NPR3: variants seen among roughly 807,000 people sequenced by gnomAD.
NPR3 encodes atrial natriuretic peptide receptor 3.
A neutral mutation model predicts 54.5 loss-of-function variants in NPR3; 34 were observed. The ratio of observed to expected loss-of-function variants is 0.62; its 90% confidence interval spans 0.47 to 0.83. The LOEUF is 0.83. Ranked by LOEUF, NPR3 falls within the 40% of genes least tolerant of loss-of-function variation. The pLI, the probability that NPR3 is intolerant of heterozygous loss-of-function variation, is 0.00. For synonymous variants in NPR3, 289 were observed against 297.1 expected (o/e 0.97, Z 0.28); for missense variants, 674 against 720.8 (o/e 0.94, Z 0.74).
At chr5:32,758,190 C>T (rs1740952731) in intron 3 of NPR3, among the ~76,000 whole-genome samples, 2 of 152,020 alleles carry the variant, frequency 1.3e-5, no homozygotes, top group African/African-American at 4.8e-5. Context: ...CCAGTTCCTC[C>T]TTGTACCTCT....
chr5:32,764,212 T>C (rs1741324790), intron 3 of NPR3, among the ~76,000 whole-genome samples: 1 of 152,180 alleles, frequency 6.6e-6, no homozygotes, highest in Non-Finnish European at 1.5e-5. Flanking sequence ...CAGAAGTTTA[T>C]GAAAGACTTG....
chr5:32,691,183 T>A (rs1329276125), intron 1 of NPR3, among the ~76,000 whole-genome samples: 1 of 152,226 alleles, frequency 6.6e-6, no homozygotes, highest in Admixed American at 6.5e-5. Flanking sequence ...ATCCTGGATA[T>A]TGTTCAGAGA....
intron 2 of NPR3, among the ~76,000 whole-genome samples, chr5:32,735,367 T>C (rs1739674700): frequency 6.6e-6 from 1 of 152,106 alleles, no homozygotes. Flanking sequence ...TTGTACAGTC[T>C]TGAGATTCCT....
At chr5:32,726,059 C>T (rs559035869) in intron 2 of NPR3, among the ~76,000 whole-genome samples, 2 of 152,294 alleles carry the variant, frequency 1.3e-5, no homozygotes, top group African/African-American at 4.8e-5. Flanking sequence ...CAGACAGCAT[C>T]GGGCTACAGA....
intron 3 of NPR3, among the ~76,000 whole-genome samples, chr5:32,752,207 C>CCAAAAACAAAAACAAAAA (rs58111360): frequency 6.7e-6 from 1 of 149,842 alleles, no homozygotes; most frequent in African/African-American, 2.5e-5. Context: ...TCCTCCACCT[C>CCAAAAACAAAAACAAAAA]CAAAAACAAA....
intron 3 of NPR3, among the ~76,000 whole-genome samples, chr5:32,745,089 A>G (rs573442078): frequency 6.6e-6 from 1 of 152,306 alleles, no homozygotes; most frequent in South Asian, 2.1e-4. Context: ...TGTAACTAGT[A>G]TATTGCAGGC....
chr5:32,780,791 C>A lies in NPR3; in HGVS notation c.1265C>A (p.Thr422Asn). 2 of 1,592,042 alleles carry A rather than the reference C, an allele frequency of 1.3e-6. No homozygotes were observed. The highest frequency in any genetic ancestry group is 1.7e-6 in the Non-Finnish European group (2 of 1,160,000). ...RYGDFSVIAMTDVEAGTQEVI... is the reference protein window; with the variant it reads ...RYGDFSVIAMNDVEAGTQEVI... ...GGGGATTTCTCTGTGATTGCCATGA[C>A]TGATGTGGAGGCGGGCACCCAGGAG... The change falls in exon 5 of 8, where the codon ACT becomes AAT. Residue 422 changes from threonine to asparagine, a missense_variant. By Grantham distance (65) the Thr-to-Asn change is moderately conservative (BLOSUM62 0). Coordinates refer to ENST00000265074, the MANE Select transcript of NPR3 (RefSeq NM_001204375.2).
At chr5:32,761,591 C>T (rs1173729) in intron 3 of NPR3, among the ~76,000 whole-genome samples, 4,350 of 151,994 alleles carry the variant, frequency 0.029, 208 homozygotes, top group African/African-American at 0.1. Flanking sequence ...TGTCTCTAAT[C>T]TGCTTTTAAG....
chr5:32,695,993 T>A (rs1442571185), intron 1 of NPR3, among the ~76,000 whole-genome samples: 1 of 152,206 alleles, frequency 6.6e-6, no homozygotes, highest in Non-Finnish European at 1.5e-5. Context: ...TTGTTGGTTG[T>A]TTCCTTGGCT....
chr5:32,710,077 C>CAGA (rs1333557942), upstream of NPR3: 1 of 152,220 alleles, frequency 6.6e-6, no homozygotes, highest in Non-Finnish European at 1.5e-5. Context: ...GCAGTAGGCA[C>CAGA]AGAAGGTCCA....
upstream of NPR3, among the ~76,000 whole-genome samples, chr5:32,708,036 T>C (rs1320899512): frequency 1.3e-5 from 2 of 148,898 alleles, no homozygotes; most frequent in South Asian, 2.1e-4. Flanking sequence ...CAACAAAACA[T>C]GGTTTGTGGA....
At chr5:32,766,967 T>C (rs367804377) in intron 3 of NPR3, among the ~76,000 whole-genome samples, 2 of 152,222 alleles carry the variant, frequency 1.3e-5, no homozygotes, top group African/African-American at 4.8e-5. Context: ...CGTACTGTTT[T>C]GTCCTTTCTC....
Position 32,721,634 on chromosome 5 carries a change from G to T in NPR3, c.770-3064G>T, listed in dbSNP as rs569212098. On this transcript the variant is annotated intron_variant, in intron 1 of 7. Coordinates refer to ENST00000265074, the MANE Select transcript of NPR3 (RefSeq NM_001204375.2). ...CACTCTTGTCCGGGTGACAGAGTGA[G>T]AGTCTGTCTCCAAACAAATGAACCA... Among the ~76,000 whole-genome samples the T allele has an allele frequency of 3.3e-5, 5 of 152,338 alleles. No individual in the cohort carries two copies. In the East Asian group the frequency reaches 9.6e-4, roughly 29 times the overall value.
chr5:32,700,778 T>G (rs184376293), intron 1 of NPR3, among the ~76,000 whole-genome samples: 1 of 152,234 alleles, frequency 6.6e-6, no homozygotes, highest in South Asian at 2.1e-4. Context: ...TGCCACATTT[T>G]AATAATCCAG....
intron 1 of NPR3, among the ~76,000 whole-genome samples, chr5:32,712,746 G>A (rs889561377): frequency 6.6e-6 from 1 of 152,254 alleles, no homozygotes; most frequent in Admixed American, 6.5e-5. Context: ...GAGGGTCCCA[G>A]GGAGGTGAAG....
intron 1 of NPR3, among the ~76,000 whole-genome samples, chr5:32,720,253 C>G (rs551026829): frequency 6.6e-6 from 1 of 152,174 alleles, no homozygotes; most frequent in African/African-American, 2.4e-5. Context: ...TTAGGCTCAA[C>G]AATCAGACAT....
intron 1 of NPR3, among the ~76,000 whole-genome samples, chr5:32,723,731 C>T (rs533856223): frequency 5.3e-5 from 8 of 152,104 alleles, no homozygotes; most frequent in African/African-American, 1.7e-4. Context: ...TTGGAAAAGA[C>T]GTAAGAAAGT....
At chr5:32,707,585 G>A (rs181189451), upstream of NPR3, among the ~76,000 whole-genome samples, 4 of 152,100 alleles carry the variant, frequency 2.6e-5, no homozygotes, top group East Asian at 1.9e-4. Flanking sequence ...CTGCCTCTAG[G>A]GGGGAGTGTG....
intron 2 of NPR3, among the ~76,000 whole-genome samples, chr5:32,733,064 C>G (rs536836294): frequency 4.6e-5 from 7 of 152,078 alleles, no homozygotes; most frequent in African/African-American, 1.2e-4. Flanking sequence ...AGGCTGGTCT[C>G]GAACTCCTGA....
Sources: gnomAD v4.1 joint callset for allele counts (sites outside exome capture counted in the v4.1 genomes callset) on GRCh38, gnomAD v4.1.1 for gene constraint, MANE v1.5 for transcripts, NCBI Gene and HGNC (gene_info 2026-07-23, HGNC 2026-07-21) for gene names.